GEN1: variants seen among roughly 807,000 people sequenced by gnomAD.
GEN1 encodes the protein flap endonuclease GEN homolog 1.
Under a neutral mutation model 67.6 loss-of-function variants are expected in GEN1, and 64 were observed. The observed-to-expected ratio is 0.95, with a 90% confidence interval of 0.77 to 1.17. The LOEUF is 1.17. GEN1 is among the 50% of genes most tolerant of loss of function. The pLI is 0.00. For synonymous variants in GEN1, 371 were observed against 359.4 expected (o/e 1.03, Z -0.37); for missense variants, 1,058 against 1,048.3 (o/e 1.01, Z -0.13).
chr2:17,764,993 G>A lies in GEN1; in HGVS notation c.445G>A (p.Asp149Asn), dbSNP rs753568841. Residue 149 changes from aspartate to asparagine, a missense_variant, in exon 4 of 14, where the codon GAT (aspartate) becomes AAT (asparagine). Asp to Asn is a conservative substitution (Grantham distance 23, BLOSUM62 1). Transcript: ENST00000381254. Reference protein sequence around the residue: ...CAYLNAGGHVDGCLTNDGDTF... With the variant: ...CAYLNAGGHVNGCLTNDGDTF... ...TTATCTCAATGCTGGTGGTCATGTC[G>A]ATGGCTGCCTCACCAATGATGGAGA... The A allele has an allele frequency of 3.0e-5, 48 of 1,614,112 alleles. No homozygotes were observed. The South Asian group carries it at 3.8e-4, about 13-fold the overall frequency.
chr2:17,780,668 A>G lies in GEN1; in HGVS notation c.1456A>G (p.Ser486Gly). The change falls in exon 14 of 14, where the codon AGC becomes GGC. Residue 486 changes from serine to glycine, a missense_variant. Ser to Gly is a moderately conservative substitution (Grantham distance 56). Transcript: ENST00000381254. ...NNLPEPDEVM[S>G]FQSHMTLKPT... ...TTTGCCAGAACCAGATGAAGTAATG[A>G]GCTTTCAGTCACACATGACTTTAAA... The G allele has an allele frequency of 6.2e-7, 1 of 1,609,942 alleles. No individual in the cohort carries two copies. Among genetic ancestry groups the G allele is most frequent in the Non-Finnish European group, 8.5e-7 (1 of 1,178,124 alleles).
At chr2:17,766,471 G>C (rs755637952) in intron 4 of GEN1, 108 bp from the exon 5 acceptor site, 54 of 654,990 alleles carry the variant, frequency 8.2e-5, no homozygotes, top group Non-Finnish European at 1.2e-4. Context: ...TGCCCAGCCT[G>C]GAATAATTAA....
Position 17,780,776 on chromosome 2 carries a change from A to G in GEN1, c.1564A>G (p.Ile522Val). The G allele has an allele frequency of 1.9e-6, 3 of 1,614,006 alleles. No individual in the cohort carries two copies. Among genetic ancestry groups the G allele is most frequent in the Non-Finnish European group, 1.7e-6 (2 of 1,179,924 alleles). Residue 522 changes from isoleucine to valine, a missense_variant, in exon 14 of 14, where the codon ATT becomes GTT. Physicochemically the swap from Ile to Val is conservative, Grantham distance 29 (BLOSUM62 3). Coordinates refer to ENST00000381254, the MANE Select transcript of GEN1 (RefSeq NM_001130009.3). The stretch of plus-strand genomic sequence containing the variant: ...TGATCCTACATTACCACAGGAATCT[A>G]TTTCTGCCTCATTGAATAGCTTGCT... ...SPDPTLPQES[I>V]SASLNSLLLP...
At chr2:17,778,806 A>G (rs1455663945) in intron 12 of GEN1, among the ~76,000 whole-genome samples, 1 of 151,552 alleles carries the variant, frequency 6.6e-6, no homozygotes, top group Non-Finnish European at 1.5e-5. Flanking sequence ...CTTAGTTTTC[A>G]GTGGGAATTT....
At chr2:17,778,153 T>TATATAC (rs1553330989) in intron 12 of GEN1, 90 bp downstream of exon 12, 19 of 473,542 alleles carry the variant, frequency 4.0e-5, no homozygotes, top group African/African-American at 3.6e-4. Context: ...TATATATATA[T>TATATAC]ACACACACAC....
At chr2:17,780,229 C>A in intron 13 of GEN1, 108 bp downstream of exon 13, 2 of 856,384 alleles carry the variant, frequency 2.3e-6, no homozygotes, top group Non-Finnish European at 3.6e-6. Context: ...AATCTATAAA[C>A]TCAAAAGTCA....
At position 17,778,202 on chromosome 2, in the gene GEN1, ATG is replaced by A. The variant is rs1241055903; in HGVS notation, c.1264+143_1264+144del. The A allele has an allele frequency of 9.8e-5, 22 of 224,532 alleles. 1 individual carries two copies. The South Asian group carries it at 1.1e-3, about 11-fold the overall frequency. The allele number at this position is 224,532 out of a possible 1,614,324, so 13.9% of individuals were successfully genotyped here. A position where few individuals can be genotyped will look rare whatever the true frequency, so the allele number is the denominator to read the frequency against. On this transcript the variant is annotated intron_variant, in intron 12 of 13. Coordinates refer to ENST00000381254, the MANE Select transcript of GEN1 (RefSeq NM_001130009.3). The stretch of plus-strand genomic sequence containing the variant: ...TATATATATATACACACACACATAT[ATG>A]TGTATATATATGTATACACACACAT...
In GEN1 at chr2:17,778,057, A is replaced by G; in HGVS notation, c.1258A>G (p.Lys420Glu). The change falls in exon 12 of 14, where the codon AAG (lysine) becomes GAG (glutamate). Residue 420 changes from lysine (K) to glutamate (E), a missense_variant. Physicochemically the swap from Lys to Glu is moderately conservative, Grantham distance 56 (BLOSUM62 1). Coordinates refer to ENST00000381254, the MANE Select transcript of GEN1 (RefSeq NM_001130009.3). ...GVHCFEIEWE[K>E]PEHYAMEDKQ... ...TCATTGTTTTGAAATAGAATGGGAAAAGCCTGGTATGTATTCACTTTAAGC... is the reference window on the plus strand; with the variant it reads ...TCATTGTTTTGAAATAGAATGGGAAGAGCCTGGTATGTATTCACTTTAAGC... 1 of 1,589,016 alleles carries G rather than the reference A, an allele frequency of 6.3e-7. No homozygotes were observed. The highest frequency in any genetic ancestry group is 8.6e-7 in the Non-Finnish European group (1 of 1,159,510).
chr2:17,755,891 G>A (rs1671412150), intron 1 of GEN1: 1 of 152,070 alleles, frequency 6.6e-6, no homozygotes, highest in Admixed American at 6.5e-5. Context: ...GGAAGTTTTA[G>A]GAACTTAAAT....
chr2:17,766,859 A>G (rs1049514859), intron 5 of GEN1, among the ~76,000 whole-genome samples, 170 bp downstream of exon 5: 1 of 152,248 alleles, frequency 6.6e-6, no homozygotes, highest in Admixed American at 6.5e-5. Context: ...TTCAGATGGC[A>G]CTAAAAAGCT....
chr2:17,768,881 A>G, intron 6 of GEN1, 70 bp downstream of exon 6: 1 of 880,978 alleles, frequency 1.1e-6, no homozygotes, highest in Non-Finnish European at 1.8e-6. Context: ...CGAATAGTAC[A>G]GGAAACAATT....
At chr2:17,773,936 A>T (rs1369136022) in intron 10 of GEN1, among the ~76,000 whole-genome samples, 1 of 152,130 alleles carries the variant, frequency 6.6e-6, no homozygotes, top group Non-Finnish European at 1.5e-5. Context: ...ATTTGCTGTT[A>T]TGTTTAATGC....
In GEN1 at chr2:17,778,348, ATG is replaced by A. The variant is rs1491352787; in HGVS notation, c.1264+291_1264+292del. On this transcript the variant is annotated intron_variant, in intron 12 of 13. Coordinates refer to ENST00000381254, the MANE Select transcript of GEN1 (RefSeq NM_001130009.3). The stretch of plus-strand genomic sequence containing the variant: ...CGTGTACATATATGTATACACACAC[ATG>A]TGTGTACATATATGTATATACACAC... 3.1e-3 allele frequency among the ~76,000 whole-genome samples: 21 copies of A among 6,720 alleles called. 5 individuals carry two copies. The highest frequency in any genetic ancestry group is 5.7e-3 in the Admixed American group (4 of 704). The allele number at this position is 6,720 out of a possible 152,430, so 4.4% of individuals were successfully genotyped here.
At chr2:17,769,990 C>T (rs1176927565) in intron 6 of GEN1, among the ~76,000 whole-genome samples, 1 of 152,090 alleles carries the variant, frequency 6.6e-6, no homozygotes, top group Non-Finnish European at 1.5e-5. Flanking sequence ...TCCTATGATA[C>T]TTCTCTTTTA....
rs1672804612 is a variant in GEN1 at position 17,781,035 on chromosome 2, A to G, written c.1823A>G (p.His608Arg). ...GCTATTCAAAGGAATACTTTTTCTC[A>G]TGATTTAAAATCAGAAGTTGAATCA... Reference protein sequence around the residue: ...SPAIQRNTFSHDLKSEVESEL... With the variant: ...SPAIQRNTFSRDLKSEVESEL... The change falls in exon 14 of 14, where the codon CAT becomes CGT. Residue 608 changes from histidine (H) to arginine (R), a missense_variant. Transcript: ENST00000381254. 6 of 1,613,864 alleles carry G rather than the reference A, an allele frequency of 3.7e-6. No homozygotes were observed. Among genetic ancestry groups the G allele is most frequent in the Admixed American group, 3.3e-5 (2 of 60,018 alleles).
chr2:17,780,108 G>A lies in GEN1; in HGVS notation c.1395G>A (p.Gly465=). Residue 465 remains glycine (G), a synonymous_variant, in exon 13 of 14, where the codon GGG becomes GGA. Transcript: ENST00000381254. ...VYQKQKLEIK[G]KKQKRIKPKE... Reference sequence around the variant, plus strand: ...AAAAACAAAAGTTAGAAATTAAAGGGAAGAAACAAAAACGTAAGTTTTGGG... The same window carrying A: ...AAAAACAAAAGTTAGAAATTAAAGGAAAGAAACAAAAACGTAAGTTTTGGG... 1.2e-6 allele frequency: 2 copies of A among 1,611,664 alleles called. No homozygotes were observed. Among genetic ancestry groups the A allele is most frequent in the East Asian group, 4.5e-5 (2 of 44,796 alleles).
intron 11 of GEN1, among the ~76,000 whole-genome samples, chr2:17,777,696 C>G (rs909129416): frequency 2.6e-5 from 4 of 152,014 alleles, no homozygotes; most frequent in African/African-American, 9.7e-5. Context: ...TTTAAGAAGA[C>G]TTAGTAGACA....
At position 17,766,583 on chromosome 2, in the gene GEN1, CA is replaced by C. The variant is rs779338992; in HGVS notation, c.531del (p.His178MetfsTer14). The stretch of plus-strand genomic sequence containing the variant: ...CTAAATCTGTTCTTTCTTTAGGACC[CA>C]CATGTTGACTGTTACACAATGTCAT... ...YRNFTMNTKDPHVDCYTMSSI... is the reference protein window; with the variant it reads ...YRNFTMNTKDXHVDCYTMSSI... On this transcript the variant is annotated frameshift_variant, in exon 5 of 14. Coordinates refer to ENST00000381254, the MANE Select transcript of GEN1 (RefSeq NM_001130009.3). LOFTEE classifies it high-confidence loss of function. 2 of 1,550,178 alleles carry C rather than the reference CA, an allele frequency of 1.3e-6. No homozygotes were observed. The highest frequency in any genetic ancestry group is 1.8e-6 in the Non-Finnish European group (2 of 1,126,968).
intron 12 of GEN1, among the ~76,000 whole-genome samples, chr2:17,778,308 G>A (rs1180575424): frequency 1.6e-5 from 1 of 63,334 alleles, no homozygotes; most frequent in Non-Finnish European, 3.3e-5. Context: ...GTACATATAT[G>A]TATATACACA....
Sources: gnomAD v4.1 joint callset for allele counts (sites outside exome capture counted in the v4.1 genomes callset) on GRCh38, gnomAD v4.1.1 for gene constraint, MANE v1.5 for transcripts, NCBI Gene and HGNC (gene_info 2026-07-23, HGNC 2026-07-21) for gene names.